The following ARHGAP36 variants were observed in gnomAD, a reference collection of about 807,000 sequenced individuals.
ARHGAP36 encodes the protein rho GTPase-activating protein 36.
In ARHGAP36, 7 loss-of-function variants were observed where a neutral mutation model predicts 32.9. The observed-to-expected ratio is 0.21, with a 90% CI of 0.12 to 0.40. The LOEUF is 0.40. ARHGAP36 is among the 10% of genes least tolerant of loss of function. The probability of loss-of-function intolerance (pLI) is 1.00; values close to 1 mark genes in which losing one functional copy is unlikely to be tolerated. For synonymous variants in ARHGAP36, 165 were observed against 168.3 expected, an observed-to-expected ratio of 0.98 and a Z score of 0.15; for missense variants, 383 against 442.2, an observed-to-expected ratio of 0.87 and a Z score of 1.20.
intron 1 of ARHGAP36, among the ~76,000 whole-genome samples, chrX:131,074,638 A>G (rs1313985125): frequency 2.7e-5 from 3 of 112,110 alleles, no homozygotes; most frequent in East Asian, 2.8e-4. Flanking sequence ...AGGAAAGGAA[A>G]CATATTTAAA....
Position 131,063,161 on chromosome X carries a change from G to A in ARHGAP36, c.-143+4717G>A, listed in dbSNP as rs148899747. ...CTAAGAAACGATTTCTGTTTCCTTCGGCAGTATCATTTGTTCTCACATGTA... is the reference window on the plus strand; with the variant it reads ...CTAAGAAACGATTTCTGTTTCCTTCAGCAGTATCATTTGTTCTCACATGTA... On this transcript the variant is annotated intron_variant, in intron 1 of 11. Transcript: ENST00000276211. 5.5e-3 allele frequency among the ~76,000 whole-genome samples: 615 copies of A among 111,707 alleles called. 2 individuals are homozygous for A. The highest frequency in any genetic ancestry group is 0.041 in the East Asian group (147 of 3,546).
At chrX:131,081,116 T>C (rs1377336716) in intron 1 of ARHGAP36, among the ~76,000 whole-genome samples, 2 of 110,553 alleles carry the variant, frequency 1.8e-5, no homozygotes, top group East Asian at 2.8e-4. Flanking sequence ...TGTAGGAAGA[T>C]TTTATTAGGA....
rs2079820495 is a variant in ARHGAP36 at position 131,083,966 on chromosome X, T to C, written c.552T>C (p.Arg184=). The C allele has an allele frequency of 8.3e-7, 1 of 1,207,840 alleles. No homozygotes were observed. Among genetic ancestry groups the C allele is most frequent in the Non-Finnish European group, 1.1e-6 (1 of 894,164 alleles). ...TLPREFTRRG[R]RGAVSVDSLA... ...CCCGGGAGTTCACTCGCCGTGGGCG[T>C]CGAGTGAGTTAAACCCTCCAGGTTT... Residue 184 remains arginine, a synonymous_variant, in exon 4 of 12, where the codon CGT becomes CGC. Transcript: ENST00000276211.
At chrX:131,067,673 CCTT>C (rs1383499262) in intron 1 of ARHGAP36, among the ~76,000 whole-genome samples, 3 of 111,981 alleles carry the variant, frequency 2.7e-5, no homozygotes, top group Non-Finnish European at 5.6e-5. Context: ...CGGCAATCCC[CCTT>C]CAAGACACAC....
chrX:131,066,277 C>T (rs999551524), intron 1 of ARHGAP36, among the ~76,000 whole-genome samples: 5 of 112,030 alleles, frequency 4.5e-5, no homozygotes, highest in African/African-American at 6.5e-5. Flanking sequence ...CATATACCAA[C>T]TTCTGGTAGT....
At chrX:131,084,062 A>AG (rs2079821199) in intron 4 of ARHGAP36, 93 bp downstream of exon 4, 10 of 1,068,874 alleles carry the variant, frequency 9.4e-6, no homozygotes, top group Non-Finnish European at 1.3e-5. Flanking sequence ...CCTCAGAGGC[A>AG]GGGGGGAGCT....
rs200726448 is a variant in ARHGAP36 at position 131,081,888 on chromosome X, C to G, written c.223C>G (p.His75Asp). 4.1e-6 allele frequency: 5 copies of G among 1,210,415 alleles called. No homozygotes were observed. In the African/African-American group the frequency reaches 7.0e-5, roughly 17 times the overall value. ...ETAYHELVAR[H>D]FLSEFKPDRA... ...TGCTTACCACGAACTCGTGGCCAGACATTTCCTCTCCGAATTCAAACCTGA... is the reference window on the plus strand; with the variant it reads ...TGCTTACCACGAACTCGTGGCCAGAGATTTCCTCTCCGAATTCAAACCTGA... Residue 75 changes from histidine to aspartate, a missense_variant, in exon 2 of 12, where the codon CAT (histidine) becomes GAT (aspartate). By Grantham distance (81) the His-to-Asp change is moderately conservative (BLOSUM62 -1). Around this residue, in one of 2 missense-constraint regions of ARHGAP36, gnomAD observed 156 missense variants for 131.0 expected, o/e 1.19. Coordinates refer to ENST00000276211, the MANE Select transcript of ARHGAP36 (RefSeq NM_144967.4).
intron 1 of ARHGAP36, among the ~76,000 whole-genome samples, chrX:131,065,041 TTGTGTGTGTGTGTGTG>T (rs35681413): frequency 1.6e-4 from 17 of 103,361 alleles, no homozygotes; most frequent in Non-Finnish European, 2.8e-4. Context: ...GTGTGTGTGT[TTGTGTGTGTGTGTGTG>T]TGTGTGTGTG....
chrX:131,083,590 T>G (rs1227913608), intron 3 of ARHGAP36, 144 bp from the exon 4 acceptor site: 8 of 598,624 alleles, frequency 1.3e-5, no homozygotes, highest in Non-Finnish European at 1.9e-5. Flanking sequence ...TTTGGCTAGC[T>G]CCCCAGGGAG....
intron 1 of ARHGAP36, among the ~76,000 whole-genome samples, chrX:131,070,740 T>C (rs1213209795): frequency 9.1e-6 from 1 of 110,489 alleles, no homozygotes; most frequent in Non-Finnish European, 1.9e-5. Flanking sequence ...TTTTGTTATC[T>C]ACCTTCTCTC....
At chrX:131,077,496 C>T (rs1396077983) in intron 1 of ARHGAP36, among the ~76,000 whole-genome samples, 1 of 110,480 alleles carries the variant, frequency 9.1e-6, no homozygotes, top group African/African-American at 3.3e-5. Context: ...ATTAGTCCTC[C>T]AAATCATGAA....
At chrX:131,068,675 C>T (rs2079715505) in intron 1 of ARHGAP36, among the ~76,000 whole-genome samples, 1 of 101,685 alleles carries the variant, frequency 9.8e-6, no homozygotes, top group Admixed American at 1.1e-4. Context: ...GGCCCCCACC[C>T]GCCCCCACCC....
At chrX:131,078,985 G>A (rs1035097922) in intron 1 of ARHGAP36, among the ~76,000 whole-genome samples, 2 of 111,635 alleles carry the variant, frequency 1.8e-5, no homozygotes, top group African/African-American at 3.3e-5. Flanking sequence ...CTTATATTTG[G>A]GGGAGAGAAG....
chrX:131,059,386 G>A lies in ARHGAP36; in HGVS notation c.-143+942G>A, dbSNP rs1031121775. ...CCCCACAGCCACCTGTTTTTTCATA[G>A]TCTCCACCTCCAAAATCTATATTGG... On this transcript the variant is annotated intron_variant, in intron 1 of 11. Coordinates refer to ENST00000276211, the MANE Select transcript of ARHGAP36 (RefSeq NM_144967.4). 2.9e-5 allele frequency among the ~76,000 whole-genome samples: 3 copies of A among 102,375 alleles called. No homozygotes were observed. In the East Asian group the frequency reaches 9.1e-4, roughly 31 times the overall value. 88.9% of individuals were successfully genotyped at this position (102,375 alleles called of 115,157 possible). A position where few individuals can be genotyped will look rare whatever the true frequency, so the allele number is the denominator to read the frequency against.
In ARHGAP36 at chrX:131,083,987, G is replaced by C. The variant is rs770431952; in HGVS notation, c.555+18G>C. ...GGCGTCGAGTGAGTTAAACCCTCCA[G>C]GTTTCAGGCAGGGGCCTCTCCTGAG... On this transcript the variant is annotated intron_variant, in intron 4 of 11. Transcript: ENST00000276211. 6 of 1,202,647 alleles carry C rather than the reference G, an allele frequency of 5.0e-6. No homozygotes were observed. The highest frequency in any genetic ancestry group is 5.6e-6 in the Non-Finnish European group (5 of 889,835).
intron 7 of ARHGAP36, 103 bp from the exon 8 acceptor site, chrX:131,085,485 C>T: frequency 9.9e-7 from 1 of 1,011,327 alleles, no homozygotes; most frequent in Non-Finnish European, 1.3e-6. Context: ...TGGGTACTTT[C>T]TCCATAACTG....
intron 1 of ARHGAP36, among the ~76,000 whole-genome samples, chrX:131,081,304 A>G (rs1259953359): frequency 8.1e-5 from 9 of 110,694 alleles, no homozygotes; most frequent in African/African-American, 2.6e-4. Flanking sequence ...AAAGAAAAAA[A>G]AAAACCTCTA....
intron 1 of ARHGAP36, among the ~76,000 whole-genome samples, chrX:131,070,962 G>GT (rs954872854): frequency 7.3e-5 from 8 of 109,813 alleles, no homozygotes; most frequent in African/African-American, 2.7e-4. Flanking sequence ...CTCAACTCAA[G>GT]TTTTTTTCCT....
At chrX:131,058,602 G>A (rs1373152946) in intron 1 of ARHGAP36, among the ~76,000 whole-genome samples, 158 bp downstream of exon 1, 4 of 113,442 alleles carry the variant, frequency 3.5e-5, no homozygotes, top group African/African-American at 1.3e-4. Flanking sequence ...GGACTGCCCC[G>A]TCGAGGCCCC....
Sources: allele counts gnomAD v4.1 joint callset (sites outside exome capture counted in the v4.1 genomes callset), GRCh38; gene constraint gnomAD v4.1.1; regional missense constraint gnomAD v4.1.1; transcripts MANE v1.5; gene names NCBI Gene and HGNC (gene_info 2026-07-23, HGNC 2026-07-21).